The following AP3S1 variants were observed in gnomAD, a reference collection of about 807,000 sequenced individuals.
The protein encoded by AP3S1 is adaptor related protein complex 3 subunit sigma 1, also known as AP-3 complex subunit sigma-1.
AP3S1 carries 12 observed loss-of-function variants against 21.3 expected under a neutral mutation model. That is an observed-to-expected ratio of 0.56 (90% CI 0.36 to 0.91). The LOEUF (loss-of-function observed/expected upper bound fraction) is 0.91, where lower values mean the gene tolerates loss of function less well. Ranked by LOEUF, AP3S1 falls within the 40% of genes least tolerant of loss-of-function variation. AP3S1 has a pLI of 0.01. For missense variants in AP3S1, 116 were observed against 225.0 expected, an observed-to-expected ratio of 0.52 and a Z score of 3.10; for synonymous variants, 48 against 78.4, an observed-to-expected ratio of 0.61 and a Z score of 2.05.
chr5:115,869,636 G>A (rs1418915767), intron 2 of AP3S1, among the ~76,000 whole-genome samples: 5 of 152,100 alleles, frequency 3.3e-5, no homozygotes, highest in Non-Finnish European at 5.9e-5. Context: ...TTAATATTCA[G>A]CCTGAAGTAG....
chr5:115,847,311 C>T (rs775748891), intron 1 of AP3S1, among the ~76,000 whole-genome samples: 6 of 152,154 alleles, frequency 3.9e-5, no homozygotes, highest in Non-Finnish European at 8.8e-5. Flanking sequence ...TTCTTCTAAA[C>T]TTTTAAAAAA....
At chr5:115,870,822 A>G (rs561557562) in intron 3 of AP3S1, among the ~76,000 whole-genome samples, 4 of 152,318 alleles carry the variant, frequency 2.6e-5, no homozygotes, top group South Asian at 2.1e-4. Flanking sequence ...TCTACTTGCA[A>G]ACTAAGAAGT....
intron 3 of AP3S1, among the ~76,000 whole-genome samples, chr5:115,874,889 A>T (rs1427381476): frequency 2.0e-5 from 3 of 152,118 alleles, no homozygotes; most frequent in Non-Finnish European, 4.4e-5. Flanking sequence ...TAGCTCTGCC[A>T]TATACTATGT....
At chr5:115,857,966 T>A (rs1762913181) in intron 1 of AP3S1, among the ~76,000 whole-genome samples, 1 of 152,252 alleles carries the variant, frequency 6.6e-6, no homozygotes, top group Non-Finnish European at 1.5e-5. Flanking sequence ...CACTTATCAC[T>A]AGTTTACATC....
At chr5:115,860,207 C>G (rs955706489) in intron 1 of AP3S1, among the ~76,000 whole-genome samples, 1 of 152,228 alleles carries the variant, frequency 6.6e-6, no homozygotes, top group Non-Finnish European at 1.5e-5. Context: ...ACATCTCCCT[C>G]TGACCACAGC....
intron 1 of AP3S1, among the ~76,000 whole-genome samples, chr5:115,854,446 A>G (rs1314189440): frequency 6.6e-6 from 1 of 152,190 alleles, no homozygotes; most frequent in Non-Finnish European, 1.5e-5. Flanking sequence ...TTACTATTGT[A>G]GGTGCCCCAG....
At chr5:115,902,760 T>C (rs1751320912) in intron 4 of AP3S1, 125 bp from the exon 5 acceptor site, 1 of 596,242 alleles carries the variant, frequency 1.7e-6, no homozygotes, top group East Asian at 3.1e-5. Flanking sequence ...GAGCCCTTAC[T>C]CCAAGTTGTT....
At chr5:115,846,064 CTAA>C (rs1055883424) in intron 1 of AP3S1, among the ~76,000 whole-genome samples, 3 of 152,016 alleles carry the variant, frequency 2.0e-5, no homozygotes, top group African/African-American at 4.8e-5. Flanking sequence ...CTGTAAATAA[CTAA>C]TGAGACTTAT....
At chr5:115,846,075 T>TA (rs1437873240) in intron 1 of AP3S1, among the ~76,000 whole-genome samples, 2 of 151,998 alleles carry the variant, frequency 1.3e-5, no homozygotes, top group Admixed American at 6.6e-5. Context: ...TAATGAGACT[T>TA]ATATTTTATA....
chr5:115,912,951 T>C (rs1752218275), intron 5 of AP3S1, among the ~76,000 whole-genome samples: 1 of 152,144 alleles, frequency 6.6e-6, no homozygotes, highest in Admixed American at 6.5e-5. Context: ...CACATATTGC[T>C]AATAAATGCC....
At chr5:115,868,653 G>T (rs252737) in intron 2 of AP3S1, among the ~76,000 whole-genome samples, 1 of 151,944 alleles carries the variant, frequency 6.6e-6, no homozygotes, top group Non-Finnish European at 1.5e-5. Flanking sequence ...AGGCCTAGGC[G>T]TGCAGATCTC....
intron 1 of AP3S1, among the ~76,000 whole-genome samples, chr5:115,844,823 C>G (rs1047236376): frequency 2.0e-5 from 3 of 152,106 alleles, no homozygotes; most frequent in Non-Finnish European, 4.4e-5. Flanking sequence ...ACACAGTATT[C>G]TCGTTCACAG....
intron 1 of AP3S1, among the ~76,000 whole-genome samples, chr5:115,866,017 C>T (rs540054190): frequency 6.6e-6 from 1 of 152,216 alleles, no homozygotes; most frequent in East Asian, 1.9e-4. Flanking sequence ...AGGATGGTCT[C>T]GATCTCCTGA....
intron 1 of AP3S1, among the ~76,000 whole-genome samples, chr5:115,850,948 C>T (rs142941956): frequency 9.8e-4 from 149 of 152,244 alleles, no homozygotes; most frequent in African/African-American, 3.4e-3. Flanking sequence ...CAGGAATTCT[C>T]ACTAGTTTAT....
At chr5:115,866,137 G>A (rs1337525401) in intron 1 of AP3S1, among the ~76,000 whole-genome samples, 1 of 152,150 alleles carries the variant, frequency 6.6e-6, no homozygotes, top group Non-Finnish European at 1.5e-5. Context: ...CTTGGTCCAG[G>A]TTAATAAATG....
intron 3 of AP3S1, among the ~76,000 whole-genome samples, chr5:115,871,800 C>T (rs1748277465): frequency 6.6e-6 from 1 of 152,176 alleles, no homozygotes; most frequent in African/African-American, 2.4e-5. Flanking sequence ...CATTTACTCT[C>T]CCATACCTCT....
At chr5:115,855,211 G>A (rs1762721260) in intron 1 of AP3S1, among the ~76,000 whole-genome samples, 1 of 151,654 alleles carries the variant, frequency 6.6e-6, no homozygotes, top group South Asian at 2.1e-4. Context: ...CACTTTTTTT[G>A]TATTTTTAGT....
chr5:115,851,096 A>G (rs1762408078), intron 1 of AP3S1, among the ~76,000 whole-genome samples: 1 of 152,222 alleles, frequency 6.6e-6, no homozygotes, highest in Admixed American at 6.5e-5. Context: ...AATATTTCTC[A>G]TAGCTCAAAG....
chr5:115,904,309 G>C (rs1313922367), intron 5 of AP3S1, among the ~76,000 whole-genome samples: 1 of 152,176 alleles, frequency 6.6e-6, no homozygotes, highest in East Asian at 1.9e-4. Context: ...GGTGAGTTCT[G>C]AAAAATTTTA....
Sources: allele counts gnomAD v4.1 joint callset (sites outside exome capture counted in the v4.1 genomes callset), GRCh38; gene constraint gnomAD v4.1.1; transcripts MANE v1.5; gene names NCBI Gene and HGNC (gene_info 2026-07-23, HGNC 2026-07-21).